Variants in FHIP1A observed in about 807,000 individuals in gnomAD.
FHIP1A encodes the protein FHF complex subunit HOOK interacting protein 1A, also known as FHF complex subunit HOOK-interacting protein 1A.
Under a neutral mutation model 88.6 loss-of-function variants are expected in FHIP1A, and 61 were observed. The ratio of observed to expected loss-of-function variants is 0.69; its 90% CI spans 0.56 to 0.85. FHIP1A has a LOEUF of 0.85. FHIP1A is among the 40% of genes least tolerant of loss of function. The pLI, the probability that FHIP1A is intolerant of heterozygous loss-of-function variation, is 0.00. For missense variants in FHIP1A, 1,154 were observed against 1,273.5 expected, an observed-to-expected ratio of 0.91 and a Z score of 1.43; for synonymous variants, 478 against 496.0, an observed-to-expected ratio of 0.96 and a Z score of 0.48.
chr4:151,434,904 A>G (rs1345562203), intron 1 of FHIP1A, among the ~76,000 whole-genome samples: 2 of 151,966 alleles, frequency 1.3e-5, no homozygotes, highest in East Asian at 3.9e-4. Context: ...TCTTTTTCAC[A>G]CTATGCAAGG....
rs1461233733 is a variant in FHIP1A at position 151,512,918 on chromosome 4, C to G, written c.-123+30270C>G. Among the ~76,000 whole-genome samples the G allele has an allele frequency of 3.9e-5, 6 of 152,228 alleles. No homozygotes were observed. In the South Asian group the frequency reaches 1.2e-3, roughly 32 times the overall value. The stretch of plus-strand genomic sequence containing the variant: ...GGAGAGCTTTCCCAATCTAGCAAGG[C>G]AGGCCAACATTCAAATTCAGGAAAT... On this transcript the variant is annotated intron_variant, in intron 3 of 13. Transcript: ENST00000435205.
chr4:151,646,477 G>C lies in FHIP1A; in HGVS notation c.1227-81G>C, dbSNP rs138188509. 7.7e-4 allele frequency: 726 copies of C among 940,460 alleles called. 1 individual carries two copies. The highest frequency in any genetic ancestry group is 7.2e-4 in the Non-Finnish European group (447 of 617,014). The allele number at this position is 940,460 out of a possible 1,614,324, so 58.3% of individuals were successfully genotyped here. On this transcript the variant is annotated intron_variant, in intron 9 of 13. Coordinates refer to ENST00000435205, the MANE Select transcript of FHIP1A (RefSeq NM_001109977.3). ...ATGAGTCTGCCCCTGGCCACAAGGA[G>C]TCCCTGTTATGGTTTAGTTAGTCCC...
intron 1 of FHIP1A, among the ~76,000 whole-genome samples, chr4:151,444,693 T>G (rs1393612333): frequency 6.6e-5 from 10 of 152,190 alleles, no homozygotes; most frequent in Non-Finnish European, 1.5e-4. Flanking sequence ...ACATGTACAC[T>G]TCTGTTGTAC....
chr4:151,427,924 T>C (rs1394779623), intron 1 of FHIP1A, among the ~76,000 whole-genome samples: 1 of 152,186 alleles, frequency 6.6e-6, no homozygotes, highest in Non-Finnish European at 1.5e-5. Context: ...AACTCGATGG[T>C]GATTATTAAA....
chr4:151,489,425 C>T lies in FHIP1A; in HGVS notation c.-123+6777C>T, dbSNP rs141201035. On this transcript the variant is annotated intron_variant, in intron 3 of 13. Transcript: ENST00000435205. Reference sequence around the variant, plus strand: ...TAGCTGAACTTTGTAATAATTTTGACTGAGCACGAATTTTCCTGAGTAGAA... The same window carrying T: ...TAGCTGAACTTTGTAATAATTTTGATTGAGCACGAATTTTCCTGAGTAGAA... 3.0e-3 allele frequency among the ~76,000 whole-genome samples: 461 copies of T among 152,260 alleles called. 2 individuals are homozygous for T. Among genetic ancestry groups the T allele is most frequent in the African/African-American group, 9.6e-3 (399 of 41,548 alleles).
chr4:151,658,954 A>G (rs1308709503), intron 13 of FHIP1A, among the ~76,000 whole-genome samples: 1 of 152,176 alleles, frequency 6.6e-6, no homozygotes, highest in African/African-American at 2.4e-5. Context: ...CAACCTAGAT[A>G]TACTGAGGTG....
At chr4:151,446,958 C>T (rs542819966) in intron 1 of FHIP1A, among the ~76,000 whole-genome samples, 5 of 152,202 alleles carry the variant, frequency 3.3e-5, no homozygotes, top group Non-Finnish European at 7.4e-5. Context: ...GTAGTTAACA[C>T]ATTTATGAAA....
At chr4:151,595,735 A>G (rs1734623155) in intron 7 of FHIP1A, among the ~76,000 whole-genome samples, 2 of 152,148 alleles carry the variant, frequency 1.3e-5, no homozygotes, top group Admixed American at 1.3e-4. Flanking sequence ...TATATTTAGG[A>G]TAGTTAGCTC....
chr4:151,435,561 G>T (rs1346528559), intron 1 of FHIP1A, among the ~76,000 whole-genome samples: 1 of 152,098 alleles, frequency 6.6e-6, no homozygotes, highest in Non-Finnish European at 1.5e-5. Flanking sequence ...GAGGCGGCTG[G>T]ATCACCTGAG....
intron 3 of FHIP1A, among the ~76,000 whole-genome samples, chr4:151,544,141 G>A (rs1732398824): frequency 2.0e-5 from 3 of 152,146 alleles, no homozygotes; most frequent in Non-Finnish European, 4.4e-5. Flanking sequence ...TTCAGAAACT[G>A]GAGGACACGG....
At chr4:151,662,081 T>C (rs972230274) in intron 13 of FHIP1A, among the ~76,000 whole-genome samples, 13 of 152,182 alleles carry the variant, frequency 8.5e-5, no homozygotes, top group Admixed American at 1.3e-4. Context: ...AGGGCTTAAC[T>C]GGCAAAGGGA....
rs559558058 is a variant in FHIP1A, at chr4:151,650,271, G to T, written c.2230G>T (p.Ala744Ser). The change falls in exon 11 of 14, where the codon GCC (alanine) becomes TCC (serine). Residue 744 changes from alanine (A) to serine (S), a missense_variant. Physicochemically the swap from Ala to Ser is moderately conservative, Grantham distance 99. Coordinates refer to ENST00000435205, the MANE Select transcript of FHIP1A (RefSeq NM_001109977.3). ...EAEHSSNLTA[A>S]HPESEELIAQ... Reference sequence around the variant, plus strand: ...AGAGCACAGCTCTAACCTGACAGCCGCCCACCCGGAGAGCGAGGAGCTCAT... The same window carrying T: ...AGAGCACAGCTCTAACCTGACAGCCTCCCACCCGGAGAGCGAGGAGCTCAT... The T allele has an allele frequency of 4.5e-6, 7 of 1,551,688 alleles. No homozygotes were observed. In the Admixed American group the frequency reaches 1.2e-4, roughly 26 times the overall value.
chr4:151,497,336 G>A (rs1730499312), intron 3 of FHIP1A, among the ~76,000 whole-genome samples: 1 of 152,132 alleles, frequency 6.6e-6, no homozygotes, highest in African/African-American at 2.4e-5. Context: ...TTAGTCTAAT[G>A]TAGATTTCCC....
chr4:151,464,602 T>A (rs1729245118), intron 2 of FHIP1A, among the ~76,000 whole-genome samples: 2 of 152,182 alleles, frequency 1.3e-5, no homozygotes, highest in African/African-American at 2.4e-5. Flanking sequence ...AAAACAAAAC[T>A]GCTCCAAGTT....
chr4:151,646,745 T>G lies in FHIP1A; in HGVS notation c.1414T>G (p.Ser472Ala). 6.5e-7 allele frequency: 1 copy of G among 1,544,686 alleles called. No homozygotes were observed. The highest frequency in any genetic ancestry group is 8.8e-7 in the Non-Finnish European group (1 of 1,142,216). The change falls in exon 10 of 14, where the codon TCA becomes GCA. Residue 472 changes from serine to alanine, a missense_variant. By Grantham distance (99) the Ser-to-Ala change is moderately conservative. Transcript: ENST00000435205. ...ILWSKCMHDT[S>A]GPVERPFPEA... ...CTGGTCAAAGTGTATGCATGACACT[T>G]CAGGTAGGAACTCGCTAGTGATGAT... is the stretch of plus-strand genomic sequence containing the variant.
chr4:151,533,595 T>A (rs1420281727), intron 3 of FHIP1A, among the ~76,000 whole-genome samples: 1 of 152,264 alleles, frequency 6.6e-6, no homozygotes, highest in Non-Finnish European at 1.5e-5. Flanking sequence ...ACATAACATG[T>A]GACCAGGCCT....
intron 2 of FHIP1A, among the ~76,000 whole-genome samples, chr4:151,476,715 A>G (rs947272784): frequency 6.6e-6 from 1 of 152,210 alleles, no homozygotes; most frequent in Non-Finnish European, 1.5e-5. Context: ...TGTTGTTTGC[A>G]AATAATGGGA....
intron 10 of FHIP1A, among the ~76,000 whole-genome samples, chr4:151,648,706 A>G (rs1736884870): frequency 6.6e-6 from 1 of 151,512 alleles, no homozygotes; most frequent in Non-Finnish European, 1.5e-5. Flanking sequence ...ATTAACTCAG[A>G]TAGCATTGAT....
At chr4:151,565,635 C>T (rs546403690) in intron 3 of FHIP1A, among the ~76,000 whole-genome samples, 1 of 152,190 alleles carries the variant, frequency 6.6e-6, no homozygotes, top group African/African-American at 2.4e-5. Context: ...AACACCTCCC[C>T]CAAGTTGCAT....
Sources: allele counts gnomAD v4.1 joint callset (sites outside exome capture counted in the v4.1 genomes callset), GRCh38; gene constraint gnomAD v4.1.1; transcripts MANE v1.5; gene names NCBI Gene and HGNC (gene_info 2026-07-23, HGNC 2026-07-21).